KCNH1: variants seen among roughly 807,000 people sequenced by gnomAD.
KCNH1 encodes the protein voltage-gated delayed rectifier potassium channel KCNH1.
KCNH1 carries 27 observed loss-of-function variants against 69.2 expected under a neutral mutation model. The observed-to-expected ratio is 0.39, with a 90% CI of 0.29 to 0.54. KCNH1 has a LOEUF of 0.54. Ranked by LOEUF, KCNH1 falls within the 20% of genes least tolerant of loss-of-function variation. The probability of loss-of-function intolerance (pLI) is 0.68; values close to 1 mark genes in which losing one functional copy is unlikely to be tolerated. For synonymous variants in KCNH1, 456 were observed against 487.7 expected, an observed-to-expected ratio of 0.93 and a Z score of 0.86; for missense variants, 798 against 1,261.6, an observed-to-expected ratio of 0.63 and a Z score of 5.57.
chr1:210,850,776 A>T (rs1685683328), intron 7 of KCNH1, among the ~76,000 whole-genome samples: 1 of 152,200 alleles, frequency 6.6e-6, no homozygotes, highest in Non-Finnish European at 1.5e-5. Flanking sequence ...GAAAGCCACA[A>T]TAAAGCTTTT....
At chr1:210,847,298 C>T (rs1283750435) in intron 7 of KCNH1, among the ~76,000 whole-genome samples, 2 of 152,130 alleles carry the variant, frequency 1.3e-5, no homozygotes, top group Admixed American at 1.3e-4. Context: ...TATTGCGGCA[C>T]TATTCACAAT....
chr1:210,982,680 T>C (rs1328356810), intron 6 of KCNH1, among the ~76,000 whole-genome samples: 1 of 152,214 alleles, frequency 6.6e-6, no homozygotes, highest in Non-Finnish European at 1.5e-5. Flanking sequence ...TGTTGGACAT[T>C]TGGGTTGGTT....
At chr1:210,797,388 A>G (rs1299409316) in intron 9 of KCNH1, 120 bp downstream of exon 9, 1 of 1,067,056 alleles carries the variant, frequency 9.4e-7, no homozygotes, top group East Asian at 2.4e-5. Context: ...ATAAGTGAAT[A>G]TTAGCAATTG....
At chr1:210,961,525 C>T (rs115371606) in intron 6 of KCNH1, among the ~76,000 whole-genome samples, 1,670 of 152,182 alleles carry the variant, frequency 0.011, 36 homozygotes, top group African/African-American at 0.038. Flanking sequence ...AGTCTTTTCT[C>T]TTGTTTCCTG....
intron 6 of KCNH1, among the ~76,000 whole-genome samples, chr1:210,987,563 G>T (rs1050645585): frequency 3.9e-5 from 6 of 152,182 alleles, no homozygotes; most frequent in African/African-American, 1.2e-4. Flanking sequence ...GACCCCGTTT[G>T]CCTGGGTATC....
At chr1:211,073,180 C>G (rs1322740415) in intron 5 of KCNH1, among the ~76,000 whole-genome samples, 1 of 152,108 alleles carries the variant, frequency 6.6e-6, no homozygotes, top group African/African-American at 2.4e-5. Context: ...AAGACATAAT[C>G]TTTAACATCT....
At chr1:210,951,238 G>C (rs1321266505) in intron 6 of KCNH1, among the ~76,000 whole-genome samples, 1 of 152,328 alleles carries the variant, frequency 6.6e-6, no homozygotes, top group East Asian at 1.9e-4. Context: ...CAGGTGTGCT[G>C]TGCGAAGAGT....
chr1:210,791,584 C>T (rs1336651803), intron 9 of KCNH1, among the ~76,000 whole-genome samples: 1 of 152,204 alleles, frequency 6.6e-6, no homozygotes, highest in Non-Finnish European at 1.5e-5. Context: ...GAAACTCCTA[C>T]TTGTCCTTCC....
intron 6 of KCNH1, among the ~76,000 whole-genome samples, chr1:210,955,360 G>C (rs889336968): frequency 1.3e-5 from 2 of 152,116 alleles, no homozygotes; most frequent in Non-Finnish European, 1.5e-5. Flanking sequence ...TGTTCTTTTG[G>C]CTTAGGATTG....
chr1:210,982,428 C>G (rs1688732062), intron 6 of KCNH1, among the ~76,000 whole-genome samples: 1 of 152,042 alleles, frequency 6.6e-6, no homozygotes, highest in South Asian at 2.1e-4. Context: ...CTTCCCCCCA[C>G]TCCACACCAG....
At chr1:210,876,519 G>A (rs1482530034) in intron 7 of KCNH1, among the ~76,000 whole-genome samples, 1 of 152,108 alleles carries the variant, frequency 6.6e-6, no homozygotes, top group Non-Finnish European at 1.5e-5. Flanking sequence ...CATATTCCCT[G>A]AAATTATACT....
At chr1:210,749,616 G>T (rs1683236850) in intron 10 of KCNH1, among the ~76,000 whole-genome samples, 1 of 152,088 alleles carries the variant, frequency 6.6e-6, no homozygotes. Flanking sequence ...GATGATTTGT[G>T]TGCAGATTAC....
intron 10 of KCNH1, among the ~76,000 whole-genome samples, chr1:210,775,009 G>A (rs1200531456): frequency 6.6e-6 from 1 of 152,070 alleles, no homozygotes; most frequent in African/African-American, 2.4e-5. Flanking sequence ...TGGCCCCACA[G>A]AGCCATGTTG....
chr1:210,935,811 C>A (rs1039918849), intron 6 of KCNH1, among the ~76,000 whole-genome samples: 2 of 152,112 alleles, frequency 1.3e-5, no homozygotes, highest in African/African-American at 4.8e-5. Flanking sequence ...CATCTACGAC[C>A]GGAGAGAATG....
At chr1:211,030,980 T>C (rs991509795) in intron 5 of KCNH1, among the ~76,000 whole-genome samples, 1 of 152,016 alleles carries the variant, frequency 6.6e-6, no homozygotes, top group Non-Finnish European at 1.5e-5. Context: ...AATAAGCACA[T>C]GAAAAAAATG....
At chr1:211,007,100 ATTC>A (rs1444264926) in intron 6 of KCNH1, among the ~76,000 whole-genome samples, 1 of 152,198 alleles carries the variant, frequency 6.6e-6, no homozygotes, top group East Asian at 1.9e-4. Flanking sequence ...GAATTAAACA[ATTC>A]TTCTTGTAAA....
chr1:210,940,813 C>T (rs1456470014), intron 6 of KCNH1, among the ~76,000 whole-genome samples: 1 of 152,206 alleles, frequency 6.6e-6, no homozygotes, highest in Non-Finnish European at 1.5e-5. Context: ...TTTCTTCTCC[C>T]AAGGAAATGA....
chr1:210,769,615 G>A (rs1278683896), intron 10 of KCNH1, among the ~76,000 whole-genome samples: 2 of 152,212 alleles, frequency 1.3e-5, no homozygotes, highest in Admixed American at 6.5e-5. Flanking sequence ...AATGAGAACC[G>A]CCCTCCCAAT....
At chr1:210,923,714 T>C (rs1008275014) in intron 6 of KCNH1, among the ~76,000 whole-genome samples, 3 of 152,246 alleles carry the variant, frequency 2.0e-5, no homozygotes, top group African/African-American at 7.2e-5. Flanking sequence ...CTTGAACACA[T>C]TGCCTTGCAT....
Sources: gnomAD v4.1 joint callset for allele counts (sites outside exome capture counted in the v4.1 genomes callset) on GRCh38, gnomAD v4.1.1 for gene constraint, MANE v1.5 for transcripts, NCBI Gene and HGNC (gene_info 2026-07-23, HGNC 2026-07-21) for gene names.